The following NNMT variants were observed in gnomAD, a reference collection of about 807,000 sequenced individuals.
NNMT encodes the protein nicotinamide N-methyltransferase.
In NNMT, 10 loss-of-function variants were observed where a neutral mutation model predicts 11.7. The ratio of observed to expected loss-of-function variants is 0.85; its 90% CI spans 0.53 to 1.45. NNMT has a LOEUF of 1.45. NNMT is among the 40% of genes most tolerant of loss of function. The pLI, the probability that NNMT is intolerant of heterozygous loss-of-function variation, is 0.00. For synonymous variants in NNMT, 143 were observed against 133.8 expected (o/e 1.07, Z -0.48); for missense variants, 381 against 319.4 (o/e 1.19, Z -1.47).
At chr11:114,265,547 T>C (rs1448659236) in intron 2 of NNMT, among the ~76,000 whole-genome samples, 1 of 152,336 alleles carries the variant, frequency 6.6e-6, no homozygotes, top group East Asian at 1.9e-4. Flanking sequence ...TGGGAGATTA[T>C]TCCTTAACTG....
At chr11:114,285,302 G>A (rs988912961) in intron 2 of NNMT, among the ~76,000 whole-genome samples, 4 of 152,152 alleles carry the variant, frequency 2.6e-5, no homozygotes, top group Non-Finnish European at 4.4e-5. Flanking sequence ...AAAGCTCTAC[G>A]AGAGGGCACA....
chr11:114,306,075 T>G (rs997297614), intron 2 of NNMT, among the ~76,000 whole-genome samples: 2 of 152,256 alleles, frequency 1.3e-5, no homozygotes, highest in Non-Finnish European at 2.9e-5. Context: ...ATTGTGGTTT[T>G]GATTTGCATT....
At chr11:114,266,122 C>T (rs1945117793) in intron 2 of NNMT, among the ~76,000 whole-genome samples, 1 of 152,154 alleles carries the variant, frequency 6.6e-6, no homozygotes, top group Admixed American at 6.5e-5. Flanking sequence ...TTCATTTCTT[C>T]TCGGGAAATT....
At chr11:114,291,090 C>T (rs1045839197) in intron 2 of NNMT, among the ~76,000 whole-genome samples, 2 of 152,168 alleles carry the variant, frequency 1.3e-5, no homozygotes, top group African/African-American at 4.8e-5. Flanking sequence ...TAGACTGTTA[C>T]AATGATTAAA....
intron 2 of NNMT, among the ~76,000 whole-genome samples, chr11:114,305,753 G>A (rs914516684): frequency 1.6e-4 from 24 of 151,882 alleles, no homozygotes; most frequent in African/African-American, 5.8e-4. Context: ...TATCATTGTT[G>A]GACATTTGGG....
chr11:114,258,799 G>A (rs1387271571), intron 1 of NNMT, among the ~76,000 whole-genome samples: 2 of 152,080 alleles, frequency 1.3e-5, no homozygotes, highest in African/African-American at 2.4e-5. Flanking sequence ...TGAGCCCCTC[G>A]GCCAACCCCT....
chr11:114,272,669 G>T (rs1404580783), intron 2 of NNMT, among the ~76,000 whole-genome samples: 1 of 152,232 alleles, frequency 6.6e-6, no homozygotes, highest in Non-Finnish European at 1.5e-5. Context: ...CTCTCCACCT[G>T]CAGGGTGGCC....
At chr11:114,292,801 T>C (rs141051027), upstream of NNMT, among the ~76,000 whole-genome samples, 359 of 152,168 alleles carry the variant, frequency 2.4e-3, 1 homozygote, top group Non-Finnish European at 3.5e-3. Flanking sequence ...AAATTAATGA[T>C]GGAGTGAGGG....
chr11:114,273,002 G>C (rs949969609), intron 2 of NNMT, among the ~76,000 whole-genome samples: 1 of 152,192 alleles, frequency 6.6e-6, no homozygotes, highest in Non-Finnish European at 1.5e-5. Flanking sequence ...AGCATGCTAA[G>C]TTCAATAGCC....
At chr11:114,278,809 AC>A (rs1945236308) in intron 2 of NNMT, among the ~76,000 whole-genome samples, 1 of 152,146 alleles carries the variant, frequency 6.6e-6, no homozygotes, top group African/African-American at 2.4e-5. Context: ...AGCAGATGGG[AC>A]CAGAGGCTGA....
chr11:114,269,267 A>C (rs1157397698), intron 2 of NNMT, among the ~76,000 whole-genome samples: 1 of 152,096 alleles, frequency 6.6e-6, no homozygotes, highest in Admixed American at 6.5e-5. Context: ...TTACCCATTT[A>C]ACTTCTGTTC....
At position 114,312,502 on chromosome 11, in the gene NNMT, T is replaced by C. The variant is rs756210601; in HGVS notation, c.*25T>C. On this transcript the variant is annotated 3_prime_UTR_variant, in exon 3 of 3. Coordinates refer to ENST00000299964, the MANE Select transcript of NNMT (RefSeq NM_006169.3). The stretch of plus-strand genomic sequence containing the variant: ...ATGCCTGTGACCTCAATTAAAGCAA[T>C]TCCTTTGACCTGTCCAGTTGACTTT... The C allele has an allele frequency of 3.1e-6, 5 of 1,600,444 alleles. No homozygotes were observed. Among genetic ancestry groups the C allele is most frequent in the Non-Finnish European group, 3.4e-6 (4 of 1,172,824 alleles).
intron 2 of NNMT, among the ~76,000 whole-genome samples, chr11:114,276,107 G>GC (rs35929563): frequency 0.26 from 36,936 of 141,156 alleles, 4,805 homozygotes; most frequent in African/African-American, 0.49. Flanking sequence ...GTTTCAGGCT[G>GC]CCCCCCCACC....
chr11:114,305,279 C>T (rs1446313245), intron 2 of NNMT, among the ~76,000 whole-genome samples: 1 of 151,962 alleles, frequency 6.6e-6, no homozygotes, highest in Admixed American at 6.6e-5. Context: ...TTTCCTTGGC[C>T]CTCTTGACAG....
chr11:114,301,768 T>G (rs573941302), intron 2 of NNMT, among the ~76,000 whole-genome samples: 134 of 152,074 alleles, frequency 8.8e-4, no homozygotes, highest in Middle Eastern at 3.4e-3. Flanking sequence ...TTACAGACTT[T>G]GGGTGATAAT....
intron 1 of NNMT, among the ~76,000 whole-genome samples, chr11:114,259,663 C>G (rs2135237472): frequency 6.6e-6 from 1 of 152,058 alleles, no homozygotes; most frequent in Non-Finnish European, 1.5e-5. Context: ...CCTCTCCAGG[C>G]TGCGTTTTCT....
intron 2 of NNMT, among the ~76,000 whole-genome samples, chr11:114,301,849 T>C (rs1267509184): frequency 6.6e-6 from 1 of 151,862 alleles, no homozygotes; most frequent in East Asian, 2.0e-4. Context: ...CAAAATCAAT[T>C]TTTAAAAAAT....
At chr11:114,285,502 C>CT (rs371236146) in intron 2 of NNMT, among the ~76,000 whole-genome samples, 1 of 152,214 alleles carries the variant, frequency 6.6e-6, no homozygotes. Context: ...CAGCTCTGGA[C>CT]TCACCATATG....
At chr11:114,302,010 G>A (rs1945443655) in intron 2 of NNMT, among the ~76,000 whole-genome samples, 1 of 151,922 alleles carries the variant, frequency 6.6e-6, no homozygotes, top group South Asian at 2.1e-4. Flanking sequence ...AATTTATCCT[G>A]CAGTTACATA....
Sources: allele counts gnomAD v4.1 joint callset (sites outside exome capture counted in the v4.1 genomes callset), GRCh38; gene constraint gnomAD v4.1.1; transcripts MANE v1.5; gene names NCBI Gene and HGNC (gene_info 2026-07-23, HGNC 2026-07-21).